Variants in NIM1K observed in about 807,000 individuals in gnomAD.
NIM1K encodes serine/threonine-protein kinase NIM1.
NIM1K carries 35 observed loss-of-function variants against 37.1 expected under a neutral mutation model. That is an observed-to-expected ratio of 0.94 (90% confidence interval 0.72 to 1.25). The LOEUF is 1.25. Ranked by LOEUF, NIM1K falls within the 50% of genes most tolerant of loss-of-function variation. The probability of loss-of-function intolerance (pLI) is 0.00; values close to 1 mark genes in which losing one functional copy is unlikely to be tolerated. For synonymous variants in NIM1K, 234 were observed against 206.6 expected, an observed-to-expected ratio of 1.13 and a Z score of -1.14; for missense variants, 564 against 548.0, an observed-to-expected ratio of 1.03 and a Z score of -0.29.
At chr5:43,250,759 TGCTGCAGAAGG>T in intron 2 of NIM1K, among the ~76,000 whole-genome samples, 1 of 152,322 alleles carries the variant, frequency 6.6e-6, no homozygotes. Context: ...AAGTGTCCAA[TGCTGCAGAAGG>T]GTCACAGAGC....
intron 1 of NIM1K, among the ~76,000 whole-genome samples, chr5:43,196,355 G>T (rs969397739): frequency 7.2e-5 from 11 of 152,076 alleles, no homozygotes; most frequent in African/African-American, 2.7e-4. Flanking sequence ...CTGGCTGGGC[G>T]CGGTGGCTTA....
At chr5:43,276,272 G>A (rs989067366) in intron 2 of NIM1K, among the ~76,000 whole-genome samples, 2 of 152,240 alleles carry the variant, frequency 1.3e-5, no homozygotes, top group Non-Finnish European at 2.9e-5. Context: ...GGTGGCATCT[G>A]CTTCTGTAGA....
At chr5:43,203,999 C>G (rs72752578) in intron 1 of NIM1K, among the ~76,000 whole-genome samples, 21,776 of 149,082 alleles carry the variant, frequency 0.15, 1,873 homozygotes, top group Middle Eastern at 0.24. Context: ...GCACTCCAGC[C>G]TGGGCAAGAA....
Position 43,275,863 on chromosome 5 carries a change from G to A in NIM1K, c.293-1194G>A, listed in dbSNP as rs191834472. The stretch of plus-strand genomic sequence containing the variant: ...ATGATGAGTGTATTAAGCCATTCTC[G>A]CATTTCTATAAAGAAACGCCTGAAA... On this transcript the variant is annotated intron_variant, in intron 2 of 3. Coordinates refer to ENST00000326035, the MANE Select transcript of NIM1K (RefSeq NM_153361.4). Among the ~76,000 whole-genome samples, 540 of 151,290 alleles carry A rather than the reference G, an allele frequency of 3.6e-3. 3 individuals are homozygous for A. The highest frequency in any genetic ancestry group is 0.013 in the African/African-American group (519 of 41,200).
chr5:43,232,525 G>A (rs576577498), intron 1 of NIM1K: 2 of 1,572,172 alleles, frequency 1.3e-6, no homozygotes, highest in Admixed American at 1.7e-5. Flanking sequence ...CAGTATCAAG[G>A]TTCTATGCCA....
intron 1 of NIM1K, among the ~76,000 whole-genome samples, chr5:43,213,197 CTTTCTTTCT>C (rs1752235431): frequency 1.9e-5 from 1 of 53,938 alleles, no homozygotes; most frequent in South Asian, 5.1e-4. Flanking sequence ...TTCTTTCTTT[CTTTCTTTCT>C]TTCTTTCTTT....
intron 2 of NIM1K, among the ~76,000 whole-genome samples, chr5:43,269,814 T>C (rs1753228296): frequency 6.6e-6 from 1 of 152,140 alleles, no homozygotes; most frequent in African/African-American, 2.4e-5. Context: ...GAGACGGGGT[T>C]TCACCATGTT....
intron 2 of NIM1K, among the ~76,000 whole-genome samples, chr5:43,270,745 C>T (rs140014752): frequency 2.6e-5 from 4 of 152,238 alleles, no homozygotes; most frequent in Admixed American, 6.5e-5. Context: ...TGGATTTAAC[C>T]AGAGTCATGG....
intron 2 of NIM1K, among the ~76,000 whole-genome samples, chr5:43,270,760 G>A (rs1356695877): frequency 2.6e-5 from 4 of 152,182 alleles, no homozygotes; most frequent in Non-Finnish European, 5.9e-5. Context: ...TCATGGTTTA[G>A]CAAAGTGAAC....
chr5:43,206,687 T>C (rs1411298173), intron 1 of NIM1K: 1 of 693,434 alleles, frequency 1.4e-6, no homozygotes, highest in Non-Finnish European at 2.7e-6. Flanking sequence ...CTCCCCCAGG[T>C]ATGGCACAGG....
chr5:43,213,195 TTCTTTCTTTCTTTCTTTCTTTCTTTC>T (rs879339685), intron 1 of NIM1K, among the ~76,000 whole-genome samples: 16,240 of 88,602 alleles, frequency 0.18, 1,303 homozygotes, highest in Non-Finnish European at 0.26. Flanking sequence ...CTTTCTTTCT[TTCTTTCTTTCTTTCTTTCTTTCTTTC>T]TTTCCTTCTT....
At position 43,235,607 on chromosome 5, in the gene NIM1K, T is replaced by C. The variant is rs148688563; in HGVS notation, c.-694-9475T>C. On this transcript the variant is annotated intron_variant, in intron 1 of 3. Transcript: ENST00000326035. ...AATTCTTACAGATATTTGACAGCTT[T>C]GTCCACCTCTGAGGTTAGAGTCATA... is the stretch of plus-strand genomic sequence containing the variant. 7.6e-3 allele frequency among the ~76,000 whole-genome samples: 1,163 copies of C among 152,360 alleles called. 14 individuals are homozygous for C. Among genetic ancestry groups the C allele is most frequent in the Non-Finnish European group, 0.012 (821 of 68,032 alleles).
At chr5:43,257,217 A>T (rs946893435) in intron 2 of NIM1K, among the ~76,000 whole-genome samples, 5 of 152,126 alleles carry the variant, frequency 3.3e-5, no homozygotes, top group African/African-American at 7.2e-5. Context: ...GGTATTTTTA[A>T]GAGGAAGATT....
chr5:43,269,308 C>CAAAAAAAAAAAAAAAAAAAAA lies in NIM1K; in HGVS notation c.293-7738_293-7737insAAAAAAAAAAAAAAAAAAAAA, dbSNP rs1359809549. Among the ~76,000 whole-genome samples, 2 of 55,700 alleles carry CAAAAAAAAAAAAAAAAAAAAA rather than the reference C, an allele frequency of 3.6e-5. 1 individual carries two copies. The highest frequency in any genetic ancestry group is 6.3e-5 in the Non-Finnish European group (2 of 31,834). The allele number at this position is 55,700 out of a possible 152,430, so 36.5% of individuals were successfully genotyped here. ...TGGGCAACAAAGTGAGACTTCATCT[C>CAAAAAAAAAAAAAAAAAAAAA]AAAAAAAAAAAGAAAAAAAAAAAAG... On this transcript the variant is annotated intron_variant, in intron 2 of 3. Transcript: ENST00000326035.
At chr5:43,252,230 T>C (rs944176333) in intron 2 of NIM1K, among the ~76,000 whole-genome samples, 2 of 152,212 alleles carry the variant, frequency 1.3e-5, no homozygotes, top group African/African-American at 4.8e-5. Flanking sequence ...CTTGTCCCCA[T>C]GAGTTTCAGA....
rs1011857825 is a variant in NIM1K, at chr5:43,280,405, A to G, written c.987A>G (p.Pro329=). Residue 329 remains proline (P), a synonymous_variant, in exon 4 of 4, where the codon CCA becomes CCG. Transcript: ENST00000326035. ...IMNDEWMQGV[P]YPTPLEPFQL... is the part of the protein sequence containing the mutation. ...ATGATGAATGGATGCAAGGGGTGCC[A>G]TACCCTACACCTTTGGAACCTTTCC... is the stretch of plus-strand genomic sequence containing the variant. The G allele has an allele frequency of 6.2e-7, 1 of 1,614,068 alleles. No homozygotes were observed. Among genetic ancestry groups the G allele is most frequent in the Non-Finnish European group, 8.5e-7 (1 of 1,180,036 alleles).
In NIM1K at chr5:43,277,167, C is replaced by T. The variant is rs1318206375; in HGVS notation, c.403C>T (p.Arg135Cys). 1.8e-5 allele frequency: 29 copies of T among 1,613,966 alleles called. No individual in the cohort carries two copies. The highest frequency in any genetic ancestry group is 7.7e-5 in the South Asian group (7 of 91,072). The change falls in exon 3 of 4, where the codon CGC (arginine) becomes TGC (cysteine). Residue 135 changes from arginine (R) to cysteine (C), a missense_variant. Arg to Cys is a radical substitution (Grantham distance 180). Transcript: ENST00000326035. ...AAAGCTGCACCATCCCAACATCATC[C>T]GCCTTTACGAAGTGGTGGAGACCCT... Reference protein sequence around the residue: ...MEKLHHPNIIRLYEVVETLSK... With the variant: ...MEKLHHPNIICLYEVVETLSK...
At chr5:43,225,260 C>CAAAAAAAAAAAAAAA (rs10555794) in intron 1 of NIM1K, among the ~76,000 whole-genome samples, 2 of 72,674 alleles carry the variant, frequency 2.8e-5, no homozygotes, top group Non-Finnish European at 4.9e-5. Flanking sequence ...ACCCTCTTTC[C>CAAAAAAAAAAAAAAA]AAAAAAAAAA....
At chr5:43,228,504 A>G (rs535411091) in intron 1 of NIM1K, among the ~76,000 whole-genome samples, 86 of 152,186 alleles carry the variant, frequency 5.7e-4, no homozygotes, top group African/African-American at 2.0e-3. Flanking sequence ...GATACTGAAA[A>G]TGTACAAATA....
Sources: gnomAD v4.1 joint callset for allele counts (sites outside exome capture counted in the v4.1 genomes callset) on GRCh38, gnomAD v4.1.1 for gene constraint, MANE v1.5 for transcripts, NCBI Gene and HGNC (gene_info 2026-07-23, HGNC 2026-07-21) for gene names.